The following TAFA1 variants were observed in gnomAD, a reference collection of about 807,000 sequenced individuals.
The protein encoded by TAFA1 is TAFA chemokine like family member 1, also known as chemokine-like protein TAFA-1.
Under a neutral mutation model 18.5 loss-of-function variants are expected in TAFA1, and 4 were observed. The observed-to-expected ratio is 0.22, with a 90% CI of 0.11 to 0.49. The LOEUF is 0.49. Ranked by LOEUF, TAFA1 falls within the 20% of genes least tolerant of loss-of-function variation. The pLI is 0.98. For missense variants in TAFA1, 147 were observed against 169.0 expected (o/e 0.87, Z 0.72); for synonymous variants, 56 against 55.2 (o/e 1.01, Z -0.06).
At chr3:68,468,453 G>A (rs1010993269) in intron 3 of TAFA1, among the ~76,000 whole-genome samples, 3 of 152,120 alleles carry the variant, frequency 2.0e-5, no homozygotes, top group South Asian at 2.1e-4. Flanking sequence ...TTTGTGAGAC[G>A]TGAACCAAAT....
intron 2 of TAFA1, among the ~76,000 whole-genome samples, chr3:68,181,472 T>C (rs2066198997): frequency 6.6e-6 from 1 of 152,118 alleles, no homozygotes; most frequent in African/African-American, 2.4e-5. Flanking sequence ...ATAACTGATG[T>C]TGGAGGTACT....
rs568561431 is a variant in TAFA1, at chr3:68,246,079, C to G, written c.119-171201C>G. Among the ~76,000 whole-genome samples the G allele has an allele frequency of 5.9e-5, 9 of 152,296 alleles. No individual in the cohort carries two copies. In the South Asian group the frequency reaches 1.7e-3, roughly 28 times the overall value. ...GACGATGTCCGGTACCATCCTCTGT[C>G]TGCTATTTCCATGCCTGTTTCCACA... On this transcript the variant is annotated intron_variant, in intron 2 of 4. Transcript: ENST00000478136.
intron 2 of TAFA1, among the ~76,000 whole-genome samples, chr3:68,391,243 A>G (rs1205762263): frequency 6.6e-6 from 1 of 152,158 alleles, no homozygotes; most frequent in Non-Finnish European, 1.5e-5. Flanking sequence ...AAATCAATCA[A>G]GTAGAAGAAA....
intron 2 of TAFA1, among the ~76,000 whole-genome samples, chr3:68,134,812 A>T (rs2065587567): frequency 6.6e-6 from 1 of 152,248 alleles, no homozygotes; most frequent in South Asian, 2.1e-4. Flanking sequence ...AGGTAAGGAC[A>T]TGAATCAGTT....
At chr3:67,996,650 T>A in the TAFA1 span, among the ~76,000 whole-genome samples, 1 of 151,800 alleles carries the variant, frequency 6.6e-6, no homozygotes, top group Admixed American at 6.6e-5. Flanking sequence ...AATACAAAAA[T>A]TAGCCAGGTG....
intron 3 of TAFA1, among the ~76,000 whole-genome samples, chr3:68,538,361 G>C (rs2073310107): frequency 6.6e-6 from 1 of 152,014 alleles, no homozygotes; most frequent in African/African-American, 2.4e-5. Context: ...TTTACTTTTG[G>C]GAAGGGTTAT....
At chr3:68,303,733 A>G (rs536722827) in intron 2 of TAFA1, among the ~76,000 whole-genome samples, 52 of 151,992 alleles carry the variant, frequency 3.4e-4, no homozygotes, top group Non-Finnish European at 5.3e-4. Flanking sequence ...ACAGGCGTGA[A>G]CCACCGTGCC....
rs549494447 is a variant in TAFA1, at chr3:68,256,451, G to A, written c.119-160829G>A. On this transcript the variant is annotated intron_variant, in intron 2 of 4. Transcript: ENST00000478136. ...CCTTGGTTACCACATCTGTAAAGTG[G>A]GGATAATAATAGTACCTATCTCCAC... Among the ~76,000 whole-genome samples, 3 of 152,148 alleles carry A rather than the reference G, an allele frequency of 2.0e-5. No homozygotes were observed. In the East Asian group the frequency reaches 5.8e-4, roughly 29 times the overall value.
chr3:68,364,846 C>A (rs919857434), intron 2 of TAFA1, among the ~76,000 whole-genome samples: 1 of 152,146 alleles, frequency 6.6e-6, no homozygotes, highest in South Asian at 2.1e-4. Flanking sequence ...TTATTTTTAT[C>A]CTCATTTTAT....
intron 2 of TAFA1, among the ~76,000 whole-genome samples, chr3:68,327,660 A>C (rs560715975): frequency 7.9e-5 from 12 of 152,384 alleles, no homozygotes; most frequent in Middle Eastern, 6.8e-3. Context: ...TGCTGGGCAC[A>C]AAGTGAGTAC....
intron 2 of TAFA1, among the ~76,000 whole-genome samples, chr3:68,142,000 C>CAT (rs1414881677): frequency 3.3e-5 from 5 of 152,182 alleles, no homozygotes. Flanking sequence ...TTGTGAATCT[C>CAT]CATCAGTAAT....
intron 2 of TAFA1, among the ~76,000 whole-genome samples, chr3:68,216,138 T>A (rs1179429484): frequency 6.6e-6 from 1 of 151,932 alleles, no homozygotes; most frequent in East Asian, 1.9e-4. Flanking sequence ...AAAAGATTAG[T>A]GGTTGCCAGA....
intron 4 of TAFA1, among the ~76,000 whole-genome samples, chr3:68,541,104 G>A (rs1362538258): frequency 6.6e-6 from 1 of 152,154 alleles, no homozygotes; most frequent in East Asian, 1.9e-4. Flanking sequence ...TTTCAAGCAA[G>A]GAAATAGGAG....
chr3:68,214,100 G>C (rs1373270130), intron 2 of TAFA1, among the ~76,000 whole-genome samples: 1 of 152,052 alleles, frequency 6.6e-6, no homozygotes, highest in Non-Finnish European at 1.5e-5. Flanking sequence ...AAACACATTA[G>C]TATTGGTTTC....
intron 3 of TAFA1, among the ~76,000 whole-genome samples, chr3:68,497,570 G>A (rs2072569591): frequency 6.6e-6 from 1 of 152,130 alleles, no homozygotes; most frequent in African/African-American, 2.4e-5. Context: ...ATCAGCCTGA[G>A]CAAATGTCCT....
intron 2 of TAFA1, among the ~76,000 whole-genome samples, chr3:68,262,349 A>G (rs13079200): frequency 1.3e-5 from 1 of 78,730 alleles, no homozygotes; most frequent in Non-Finnish European, 2.4e-5. Flanking sequence ...ATATATATAT[A>G]TATATATATT....
At chr3:68,452,341 G>A (rs2071578390) in intron 3 of TAFA1, among the ~76,000 whole-genome samples, 1 of 151,856 alleles carries the variant, frequency 6.6e-6, no homozygotes, top group Non-Finnish European at 1.5e-5. Flanking sequence ...TGACCAACAT[G>A]GTGAAACCCC....
At chr3:68,441,481 A>G (rs1456722488) in intron 3 of TAFA1, among the ~76,000 whole-genome samples, 2 of 152,162 alleles carry the variant, frequency 1.3e-5, no homozygotes, top group South Asian at 2.1e-4. Context: ...TTTGGTGGAA[A>G]CTGAACGTTT....
At chr3:68,209,248 T>C (rs989865948) in intron 2 of TAFA1, among the ~76,000 whole-genome samples, 1 of 151,980 alleles carries the variant, frequency 6.6e-6, no homozygotes, top group Non-Finnish European at 1.5e-5. Context: ...AGCTAAAACA[T>C]GCCAGCCTCC....
Sources: allele counts gnomAD v4.1 joint callset (sites outside exome capture counted in the v4.1 genomes callset), GRCh38; gene constraint gnomAD v4.1.1; transcripts MANE v1.5; gene names NCBI Gene and HGNC (gene_info 2026-07-23, HGNC 2026-07-21).